NPEPPS: variants seen among roughly 807,000 people sequenced by gnomAD.
NPEPPS encodes puromycin-sensitive aminopeptidase.
In NPEPPS, 14 loss-of-function variants were observed where a neutral mutation model predicts 115.5. The ratio of observed to expected loss-of-function variants is 0.12; its 90% confidence interval spans 0.08 to 0.19. The LOEUF is 0.19. Among genes scored for constraint, NPEPPS ranks in the 10% least tolerant of loss-of-function variants. NPEPPS has a pLI of 1.00. For synonymous variants in NPEPPS, 285 were observed against 390.6 expected (o/e 0.73, Z 3.19); for missense variants, 523 against 1,110.8 (o/e 0.47, Z 7.52).
chr17:47,599,500 CT>C (rs1913061528), intron 13 of NPEPPS, among the ~76,000 whole-genome samples, 175 bp from the exon 14 acceptor site: 1 of 152,150 alleles, frequency 6.6e-6, no homozygotes, highest in Non-Finnish European at 1.5e-5. Context: ...GTTATTTGGA[CT>C]TTTCTCTTTA....
At chr17:47,590,591 T>C (rs555827224) in intron 9 of NPEPPS, 126 bp from the exon 10 acceptor site, 1 of 1,253,982 alleles carries the variant, frequency 8.0e-7, no homozygotes, top group Non-Finnish European at 1.1e-6. Flanking sequence ...CCAAATGTTT[T>C]GAACTGAATT....
chr17:47,566,587 G>A (rs1318208132), intron 2 of NPEPPS, among the ~76,000 whole-genome samples: 2 of 146,166 alleles, frequency 1.4e-5, no homozygotes, highest in Non-Finnish European at 3.0e-5. Context: ...TGCAACCTCC[G>A]CTCCCAGGTT....
Position 47,610,235 on chromosome 17 carries a change from A to G in NPEPPS, c.2096-2225A>G, listed in dbSNP as rs533414755. ...CACTCTCCATTTCCTGGCAACCACA[A>G]ATTTACTTTCTATTTCATGGATTTA... is the stretch of plus-strand genomic sequence containing the variant. On this transcript the variant is annotated intron_variant, in intron 17 of 22. Transcript: ENST00000322157. Among the ~76,000 whole-genome samples the G allele has an allele frequency of 4.0e-5, 6 of 150,604 alleles. No individual in the cohort carries two copies. In the South Asian group the frequency reaches 6.4e-4, roughly 16 times the overall value.
chr17:47,619,540 G>A (rs1914412747), intron 21 of NPEPPS, 197 bp from the exon 22 acceptor site: 5 of 561,984 alleles, frequency 8.9e-6, no homozygotes, highest in Non-Finnish European at 1.3e-5. Flanking sequence ...GGCAACAAGT[G>A]TGAAACTCCG....
chr17:47,613,257 C>CTTTTTTTTTTTTTTTTT (rs753383358), intron 18 of NPEPPS, among the ~76,000 whole-genome samples: 5 of 98,232 alleles, frequency 5.1e-5, no homozygotes, highest in African/African-American at 8.5e-5. Context: ...ATAATATTTA[C>CTTTTTTTTTTTTTTTTT]TTTTTTTTTT....
chr17:47,556,073 C>CTT (rs747406184), intron 2 of NPEPPS, among the ~76,000 whole-genome samples: 11 of 80,726 alleles, frequency 1.4e-4, no homozygotes, highest in East Asian at 1.1e-3. Context: ...AAGCAATTCT[C>CTT]TTTTTTTTTT....
In NPEPPS at chr17:47,623,236, A is replaced by T. The variant is rs1914704382; in HGVS notation, c.*1316A>T. ...TGCTATTGTTTTAAAAAAATAATTA[A>T]AAAACAGTTGGCGTTAATAAAAATG... is the stretch of plus-strand genomic sequence containing the variant. On this transcript the variant is annotated 3_prime_UTR_variant, in exon 23 of 23. Transcript: ENST00000322157. 1 of 176,018 alleles carries T rather than the reference A, an allele frequency of 5.7e-6. No individual in the cohort carries two copies. The highest frequency in any genetic ancestry group is 2.4e-5 in the African/African-American group (1 of 41,604). The allele number at this position is 176,018 out of a possible 1,614,324, so 10.9% of individuals were successfully genotyped here.
rs1232426251 is a variant in NPEPPS, at chr17:47,619,757, A to G, written c.2580A>G (p.Ala860=). Residue 860 remains alanine, a synonymous_variant, in exon 22 of 23, where the codon GCA becomes GCG. Coordinates refer to ENST00000322157, the MANE Select transcript of NPEPPS (RefSeq NM_006310.4). ...TGCAGCTATCAGTTGAGGGATTTGC[A>G]GTTGATAAAATGGCTGGAGAGGTTA... The part of the protein sequence containing the change: ...RLIKLSVEGF[A]VDKMAGEVKA... The G allele has an allele frequency of 3.1e-6, 5 of 1,613,652 alleles. No homozygotes were observed.
intron 2 of NPEPPS, among the ~76,000 whole-genome samples, chr17:47,550,432 T>G (rs1287315787): frequency 1.3e-5 from 2 of 150,684 alleles, no homozygotes; most frequent in Non-Finnish European, 3.0e-5. Context: ...CTTTTTTTTT[T>G]TTTGTTTTAA....
intron 1 of NPEPPS, 146 bp downstream of exon 1, chr17:47,531,701 G>A: frequency 2.1e-6 from 2 of 937,354 alleles, no homozygotes; most frequent in Non-Finnish European, 2.7e-6. Context: ...GGCGTGCTCT[G>A]CCTTGCTCTG....
rs1477164232 is a variant in NPEPPS, at chr17:47,536,377, A to G, written c.255+4822A>G. ...TACAAATTTTTTGCCCAAATTCTGC[A>G]TATTTTCTCTCTTTTTTTTTTTTTT... is the stretch of plus-strand genomic sequence containing the variant. On this transcript the variant is annotated intron_variant, in intron 1 of 22. Coordinates refer to ENST00000322157, the MANE Select transcript of NPEPPS (RefSeq NM_006310.4). Among the ~76,000 whole-genome samples, 4 of 132,038 alleles carry G rather than the reference A, an allele frequency of 3.0e-5. No individual in the cohort carries two copies. In the Admixed American group the frequency reaches 3.4e-4, roughly 11 times the overall value. The allele number at this position is 132,038 out of a possible 152,430, so 86.6% of individuals were successfully genotyped here.
chr17:47,610,278 A>G (rs757656271), intron 17 of NPEPPS, among the ~76,000 whole-genome samples: 9 of 150,396 alleles, frequency 6.0e-5, no homozygotes, highest in Non-Finnish European at 8.8e-5. Flanking sequence ...TGAACATTTC[A>G]TGTACATAGA....
chr17:47,553,759 CTTTT>C (rs745894618), intron 2 of NPEPPS, among the ~76,000 whole-genome samples: 2 of 144,350 alleles, frequency 1.4e-5, no homozygotes, highest in African/African-American at 2.5e-5. Flanking sequence ...GTCTCTCTCT[CTTTT>C]TTTTTTTTTT....
chr17:47,622,124 TAAATAAA>T lies in NPEPPS; in HGVS notation c.*214_*220del, dbSNP rs1474452136. ...GGAAAATCAGCAATTCAGCAAAAAA[TAAATAAA>T]AAATAAAAATGTAAATATGATAGTA... On this transcript the variant is annotated 3_prime_UTR_variant, in exon 23 of 23. Coordinates refer to ENST00000322157, the MANE Select transcript of NPEPPS (RefSeq NM_006310.4). 3.1e-6 allele frequency: 4 copies of T among 1,271,356 alleles called. No individual in the cohort carries two copies. Among genetic ancestry groups the T allele is most frequent in the South Asian group, 2.9e-5 (1 of 34,732 alleles). The allele number at this position is 1,271,356 out of a possible 1,614,324, so 78.8% of individuals were successfully genotyped here.
chr17:47,619,607 C>A, intron 21 of NPEPPS, 130 bp from the exon 22 acceptor site: 1 of 750,164 alleles, frequency 1.3e-6, no homozygotes, highest in Non-Finnish European at 2.3e-6. Flanking sequence ...AGGACTTCTC[C>A]ATCTCCCATC....
chr17:47,606,698 C>T (rs1230247571), intron 17 of NPEPPS, among the ~76,000 whole-genome samples: 3 of 102,854 alleles, frequency 2.9e-5, no homozygotes, highest in Non-Finnish European at 6.3e-5. Flanking sequence ...CCGTCTCGGC[C>T]GCCCAAAGTG....
intron 17 of NPEPPS, among the ~76,000 whole-genome samples, chr17:47,610,736 G>A (rs147349922): frequency 3.3e-5 from 5 of 151,732 alleles, no homozygotes; most frequent in South Asian, 4.2e-4. Context: ...TCCAGTTTTC[G>A]GCTATTATGA....
chr17:47,603,610 A>G (rs1913354168), intron 15 of NPEPPS: 1 of 226,064 alleles, frequency 4.4e-6, no homozygotes, highest in Non-Finnish European at 8.7e-6. Context: ...TTTCATATAT[A>G]TTAAGTATTT....
chr17:47,539,850 C>T (rs1908625453), intron 1 of NPEPPS, among the ~76,000 whole-genome samples: 1 of 152,036 alleles, frequency 6.6e-6, no homozygotes. Context: ...TAGAACTGTT[C>T]CACCAAGGCA....
Sources: gnomAD v4.1 joint callset for allele counts (sites outside exome capture counted in the v4.1 genomes callset) on GRCh38, gnomAD v4.1.1 for gene constraint, MANE v1.5 for transcripts, NCBI Gene and HGNC (gene_info 2026-07-23, HGNC 2026-07-21) for gene names.